IMMP2L: variants seen among roughly 807,000 people sequenced by gnomAD.
The protein encoded by IMMP2L is inner mitochondrial membrane peptidase subunit 2.
A neutral mutation model predicts 19.3 loss-of-function variants in IMMP2L; 18 were observed. That is an observed-to-expected ratio of 0.93 (90% CI 0.64 to 1.38). IMMP2L has a LOEUF of 1.38. Ranked by LOEUF, IMMP2L falls within the 40% of genes most tolerant of loss-of-function variation. The pLI is 0.00. For synonymous variants in IMMP2L, 76 were observed against 73.0 expected, an observed-to-expected ratio of 1.04 and a Z score of -0.21; for missense variants, 233 against 218.2, an observed-to-expected ratio of 1.07 and a Z score of -0.43.
chr7:111,501,665 T>A (rs1490096341), intron 2 of IMMP2L, among the ~76,000 whole-genome samples: 3 of 152,124 alleles, frequency 2.0e-5, no homozygotes, highest in East Asian at 3.9e-4. Flanking sequence ...TGGGGGCCAA[T>A]ATTCAACATT....
chr7:111,062,300 C>T (rs1794090753), intron 3 of IMMP2L, among the ~76,000 whole-genome samples: 2 of 152,128 alleles, frequency 1.3e-5, no homozygotes, highest in Non-Finnish European at 2.9e-5. Context: ...ATTTTTAAAA[C>T]CATCAGATTT....
intron 3 of IMMP2L, among the ~76,000 whole-genome samples, chr7:111,437,920 A>C (rs9656184): frequency 0.11 from 16,519 of 151,882 alleles, 1,410 homozygotes; most frequent in African/African-American, 0.21. Context: ...CATGTAATAA[A>C]ACGCCAGAGA....
At chr7:110,688,539 C>T (rs62463973) in intron 5 of IMMP2L, among the ~76,000 whole-genome samples, 28,473 of 151,628 alleles carry the variant, frequency 0.19, 3,008 homozygotes, top group Admixed American at 0.26. Context: ...CCACCACAAA[C>T]GCATAAGACT....
chr7:111,475,878 C>A (rs1189407160), intron 3 of IMMP2L, among the ~76,000 whole-genome samples: 1 of 152,100 alleles, frequency 6.6e-6, no homozygotes, highest in Middle Eastern at 3.4e-3. Context: ...CAATAAAGAC[C>A]TGGTGTTCCA....
At chr7:111,421,270 T>TC (rs1249304825) in intron 3 of IMMP2L, among the ~76,000 whole-genome samples, 1 of 120,034 alleles carries the variant, frequency 8.3e-6, no homozygotes, top group Non-Finnish European at 1.8e-5. Flanking sequence ...TTTTTTTCTT[T>TC]TTTTTTTTTT....
At chr7:111,275,296 C>T (rs994681351) in intron 3 of IMMP2L, among the ~76,000 whole-genome samples, 14 of 152,172 alleles carry the variant, frequency 9.2e-5, no homozygotes, top group African/African-American at 3.1e-4. Context: ...AGCACTCTCA[C>T]ACAAACATTT....
At chr7:110,949,643 G>A in intron 4 of IMMP2L, among the ~76,000 whole-genome samples, 1 of 152,050 alleles carries the variant, frequency 6.6e-6, no homozygotes, top group South Asian at 2.1e-4. Flanking sequence ...TATCAGAGTT[G>A]AATAGATTTC....
intron 3 of IMMP2L, among the ~76,000 whole-genome samples, chr7:110,976,842 A>G (rs1820750413): frequency 6.6e-6 from 1 of 152,042 alleles, no homozygotes; most frequent in South Asian, 2.1e-4. Context: ...AAGAAAAGCC[A>G]TAATATATTT....
Position 111,481,772 on chromosome 7 carries a change from T to C in IMMP2L, c.239+5466A>G, listed in dbSNP as rs1206066801. 3.9e-5 allele frequency among the ~76,000 whole-genome samples: 6 copies of C among 152,178 alleles called. No individual in the cohort carries two copies. In the East Asian group the frequency reaches 1.2e-3, roughly 29 times the overall value. On this transcript the variant is annotated intron_variant, in intron 3 of 5. Coordinates refer to ENST00000405709, the MANE Select transcript of IMMP2L (RefSeq NM_032549.4). ...CTCAGACTTTGGGATTTTATCTTAG[T>C]TCACTTCAGACATACTCCAGGGATA...
intron 3 of IMMP2L, among the ~76,000 whole-genome samples, chr7:111,184,281 T>C (rs1371338421): frequency 6.6e-6 from 1 of 152,004 alleles, no homozygotes; most frequent in Non-Finnish European, 1.5e-5. Flanking sequence ...TTCTATATTC[T>C]TTAATCTTCA....
At chr7:110,814,700 GATAT>G (rs143894798) in intron 5 of IMMP2L, among the ~76,000 whole-genome samples, 1 of 143,950 alleles carries the variant, frequency 6.9e-6, no homozygotes. Context: ...GTCAAGTACA[GATAT>G]ATATATATAT....
At chr7:111,050,620 T>A (rs1185633891) in intron 3 of IMMP2L, among the ~76,000 whole-genome samples, 1 of 152,228 alleles carries the variant, frequency 6.6e-6, no homozygotes, top group Non-Finnish European at 1.5e-5. Context: ...ATGTGAATTA[T>A]CTACCGTGTG....
intron 5 of IMMP2L, among the ~76,000 whole-genome samples, chr7:110,814,506 G>A (rs1207812297): frequency 6.6e-6 from 1 of 150,470 alleles, no homozygotes; most frequent in East Asian, 1.9e-4. Flanking sequence ...TTAAAAGAGG[G>A]AGCATTTATA....
chr7:111,021,173 A>G (rs752365335), intron 3 of IMMP2L, among the ~76,000 whole-genome samples: 45 of 152,214 alleles, frequency 3.0e-4, no homozygotes, highest in African/African-American at 1.0e-3. Context: ...AACTCCTAAA[A>G]AAGAGACTTG....
intron 3 of IMMP2L, among the ~76,000 whole-genome samples, chr7:111,215,135 A>G (rs934330224): frequency 1.3e-5 from 2 of 152,176 alleles, no homozygotes; most frequent in Admixed American, 1.3e-4. Flanking sequence ...CAATGGTTGC[A>G]ACCACACAGA....
At position 111,123,032 on chromosome 7, in the gene IMMP2L, C is replaced by T. The variant is rs1257083358; in HGVS notation, c.240-159467G>A. On this transcript the variant is annotated intron_variant, in intron 3 of 5. Coordinates refer to ENST00000405709, the MANE Select transcript of IMMP2L (RefSeq NM_032549.4). The surrounding 1 kb of genome is among the most constrained non-coding windows in gnomAD (Gnocchi z 6.4). ...AACAATATTGCAAAAATTGAATACT[C>T]CACAGACTTTCCAGTAAACCTTACT... 6.2e-7 allele frequency: 1 copy of T among 1,613,848 alleles called. No homozygotes were observed. Among genetic ancestry groups the T allele is most frequent in the South Asian group, 1.1e-5 (1 of 91,078 alleles).
intron 5 of IMMP2L, among the ~76,000 whole-genome samples, chr7:110,693,822 A>G (rs748994233): frequency 6.6e-6 from 1 of 152,290 alleles, no homozygotes; most frequent in Non-Finnish European, 1.5e-5. Flanking sequence ...CTTGCACTGA[A>G]ATCAGTTTTG....
At chr7:110,997,185 A>C (rs532581836) in intron 3 of IMMP2L, among the ~76,000 whole-genome samples, 1 of 152,178 alleles carries the variant, frequency 6.6e-6, no homozygotes, top group African/African-American at 2.4e-5. Context: ...ACTCAGCAGG[A>C]TCCCTTTAAG....
chr7:110,911,905 C>T (rs568080306), intron 4 of IMMP2L, among the ~76,000 whole-genome samples: 15 of 152,114 alleles, frequency 9.9e-5, no homozygotes, highest in East Asian at 1.9e-4. Context: ...ATTTCCTCTA[C>T]GGAAATTGCA....
Sources: allele counts gnomAD v4.1 joint callset (sites outside exome capture counted in the v4.1 genomes callset), GRCh38; gene constraint gnomAD v4.1.1; non-coding constraint Gnocchi (gnomAD v3.1); transcripts MANE v1.5; gene names NCBI Gene and HGNC (gene_info 2026-07-23, HGNC 2026-07-21).